RYR1: variants seen among roughly 807,000 people sequenced by gnomAD.
The protein encoded by RYR1 is central core disease of muscle.
Under a neutral mutation model 583.5 loss-of-function variants are expected in RYR1, and 342 were observed. That is an observed-to-expected ratio of 0.59 (90% CI 0.54 to 0.64). RYR1 has a LOEUF of 0.64. Among genes scored for constraint, RYR1 ranks in the 30% least tolerant of loss-of-function variants. The pLI is 0.00. For missense variants in RYR1, 6,032 were observed against 6,917.2 expected, an observed-to-expected ratio of 0.87 and a Z score of 4.54; for synonymous variants, 2,791 against 2,822.5, an observed-to-expected ratio of 0.99 and a Z score of 0.35.
At chr19:38,457,794 A>T (rs1050099206) in intron 17 of RYR1, among the ~76,000 whole-genome samples, 164 bp downstream of exon 17, 4 of 148,820 alleles carry the variant, frequency 2.7e-5, no homozygotes, top group African/African-American at 5.0e-5. Context: ...CTTGGCATCC[A>T]CTCCTCTTGT....
In RYR1 at chr19:38,507,868, A is replaced by G. The variant is rs200730524; in HGVS notation, c.8932+41A>G. The G allele has an allele frequency of 8.0e-4, 1,018 of 1,274,564 alleles. 1 individual carries two copies. The highest frequency in any genetic ancestry group is 9.0e-4 in the Non-Finnish European group (787 of 873,098). The allele number at this position is 1,274,564 out of a possible 1,614,324, so 79.0% of individuals were successfully genotyped here. On this transcript the variant is annotated intron_variant, in intron 58 of 105. Transcript: ENST00000359596. ...CCCCGCTTATGCCCGCCCCACCTGC[A>G]GACACCAGTTCTGCAGACCAGACTC...
At chr19:38,436,584 C>T (rs536421160) in intron 1 of RYR1, among the ~76,000 whole-genome samples, 16 of 152,150 alleles carry the variant, frequency 1.1e-4, no homozygotes, top group South Asian at 4.1e-4. Context: ...TTTTTGTTGC[C>T]GAATATTATT....
At position 38,565,899 on chromosome 19, in the gene RYR1, G is replaced by C; in HGVS notation, c.13437+128G>C. The stretch of plus-strand genomic sequence containing the variant: ...AGGGGGATGGGCACACGCACCCACG[G>C]AGGACGCACCCATGGAGGACGCACA... On this transcript the variant is annotated intron_variant, in intron 91 of 105. Coordinates refer to ENST00000359596, the MANE Select transcript of RYR1 (RefSeq NM_000540.3). The surrounding 1 kb of genome is among the most constrained non-coding windows in gnomAD (Gnocchi z 4.7). 9.0e-7 allele frequency: 1 copy of C among 1,110,016 alleles called. No homozygotes were observed. The highest frequency in any genetic ancestry group is 1.2e-6 in the Non-Finnish European group (1 of 856,076). The allele number at this position is 1,110,016 out of a possible 1,614,324, so 68.8% of individuals were successfully genotyped here. A position where few individuals can be genotyped will look rare whatever the true frequency, so the allele number is the denominator to read the frequency against.
chr19:38,536,769 T>C lies in RYR1; in HGVS notation c.11608+2T>C, dbSNP rs1443083095. The C allele has an allele frequency of 2.5e-6, 4 of 1,613,658 alleles. No individual in the cohort carries two copies. Among genetic ancestry groups the C allele is most frequent in the Admixed American group, 3.3e-5 (2 of 59,960 alleles). On this transcript the variant is annotated splice_donor_variant, in intron 83 of 105. Coordinates refer to ENST00000359596, the MANE Select transcript of RYR1 (RefSeq NM_000540.3). LOFTEE classifies it high-confidence loss of function. ...CCCCAGTCATCAATCGCCAGAACGGTAATTCCCCCAGCCCACCCCCGTGCT... is the reference window on the plus strand; with the variant it reads ...CCCCAGTCATCAATCGCCAGAACGGCAATTCCCCCAGCCCACCCCCGTGCT...
In RYR1 at chr19:38,567,838, C is replaced by T; in HGVS notation, c.13580C>T (p.Pro4527Leu). Residue 4527 changes from proline (P) to leucine (L), a missense_variant, in exon 93 of 106, where the codon CCT (proline) becomes CTT (leucine). Coordinates refer to ENST00000359596, the MANE Select transcript of RYR1 (RefSeq NM_000540.3). ...PTPEPPKKQA[P>L]PSPPPKKEEA... ...CCAGAGCCCCCCAAGAAGCAAGCAC[C>T]TCCCTCACCCCCTCCAAAGAAGGAG... 6.2e-7 allele frequency: 1 copy of T among 1,614,156 alleles called. No homozygotes were observed.
At chr19:38,523,847 T>C in intron 69 of RYR1, 68 bp from the exon 70 acceptor site, 2 of 1,610,096 alleles carry the variant, frequency 1.2e-6, no homozygotes, top group South Asian at 2.2e-5. Context: ...CAACTTGGAG[T>C]TGGGCCTGGG....
intron 64 of RYR1, 57 bp from the exon 65 acceptor site, chr19:38,516,030 G>A: frequency 2.6e-6 from 4 of 1,530,398 alleles, no homozygotes; most frequent in Admixed American, 2.0e-5. Context: ...ATGGGGCTGG[G>A]ACCCAGGACC....
intron 72 of RYR1, among the ~76,000 whole-genome samples, 180 bp downstream of exon 72, chr19:38,527,232 C>T (rs1036444833): frequency 6.6e-6 from 1 of 152,096 alleles, no homozygotes; most frequent in Non-Finnish European, 1.5e-5. Flanking sequence ...ACAATTAGGC[C>T]GGGCACAATG....
At chr19:38,577,444 T>C (rs1263688860) in intron 97 of RYR1, among the ~76,000 whole-genome samples, 1 of 152,018 alleles carries the variant, frequency 6.6e-6, no homozygotes, top group Non-Finnish European at 1.5e-5. Context: ...GACCTTCAAG[T>C]TGGAAAGATA....
Position 38,496,138 on chromosome 19 carries a change from A to C in RYR1, c.6549-77A>C. The C allele has an allele frequency of 8.4e-7, 1 of 1,187,502 alleles. No individual in the cohort carries two copies. The highest frequency in any genetic ancestry group is 1.9e-4 in the Middle Eastern group (1 of 5,248). The allele number at this position is 1,187,502 out of a possible 1,614,324, so 73.6% of individuals were successfully genotyped here. A position where few individuals can be genotyped will look rare whatever the true frequency, so the allele number is the denominator to read the frequency against. ...ACAGAGTGAGAGGGTCAAGAATGCC[A>C]ACGCTGTCACAGTGGTGGCTATGGC... is the stretch of plus-strand genomic sequence containing the variant. On this transcript the variant is annotated intron_variant, in intron 39 of 105. Transcript: ENST00000359596. This position sits in a 1 kb window ranked among gnomAD's most constrained non-coding sequence, Gnocchi z 4.8.
At chr19:38,557,499 T>C (rs1451706929) in intron 89 of RYR1, among the ~76,000 whole-genome samples, 2 of 152,150 alleles carry the variant, frequency 1.3e-5, no homozygotes, top group Non-Finnish European at 2.9e-5. Context: ...ACAGCGAAGC[T>C]GAGAGTTGAA....
chr19:38,587,230 G>A lies in RYR1; in HGVS notation c.15022-95G>A, dbSNP rs892284176. On this transcript the variant is annotated intron_variant, in intron 105 of 105. Coordinates refer to ENST00000359596, the MANE Select transcript of RYR1 (RefSeq NM_000540.3). ...TTGTCGCCACTGCACTCCAGCCTGG[G>A]CAACAGAGCAACACCCTGTCTAAAA... is the stretch of plus-strand genomic sequence containing the variant. 6.2e-5 allele frequency: 53 copies of A among 852,292 alleles called. No homozygotes were observed. In the Middle Eastern group the frequency reaches 1.0e-3, roughly 16 times the overall value. The allele number at this position is 852,292 out of a possible 1,614,324, so 52.8% of individuals were successfully genotyped here.
intron 3 of RYR1, among the ~76,000 whole-genome samples, chr19:38,442,963 C>T (rs570774798): frequency 1.3e-5 from 2 of 152,208 alleles, no homozygotes; most frequent in South Asian, 4.1e-4. Flanking sequence ...CTGGCCCCAT[C>T]ACATGGTACC....
chr19:38,497,053 C>A, intron 42 of RYR1, 99 bp downstream of exon 42: 2 of 1,011,542 alleles, frequency 2.0e-6, no homozygotes, highest in Non-Finnish European at 3.1e-6. Flanking sequence ...TTCTGGGGGG[C>A]AATTCTGGAT....
At chr19:38,455,870 G>A (rs1967349878) in intron 16 of RYR1, 119 bp downstream of exon 16, 10 of 722,834 alleles carry the variant, frequency 1.4e-5, no homozygotes, top group Non-Finnish European at 2.0e-5. Flanking sequence ...TCACCTGTAC[G>A]CCACTCCCAC....
rs3745845 is a variant in RYR1, at chr19:38,451,753, C to T, written c.1123-11C>T. On this transcript the variant is annotated splice_polypyrimidine_tract_variant and intron_variant, in intron 11 of 105. Coordinates refer to ENST00000359596, the MANE Select transcript of RYR1 (RefSeq NM_000540.3). ...TGGGCCCACTCCAGACCTCTGTCTCCCCACTCCTAGGCCATGCTGCACCAG... is the reference window on the plus strand; with the variant it reads ...TGGGCCCACTCCAGACCTCTGTCTCTCCACTCCTAGGCCATGCTGCACCAG... 786 of 1,614,024 alleles carry T rather than the reference C, an allele frequency of 4.9e-4. 8 individuals are homozygous for T. In the East Asian group the frequency reaches 0.014, roughly 29 times the overall value.
chr19:38,522,164 T>C (rs1237342804), intron 67 of RYR1, among the ~76,000 whole-genome samples: 7 of 152,184 alleles, frequency 4.6e-5, no homozygotes, highest in Admixed American at 4.6e-4. Flanking sequence ...CACAAGTGTG[T>C]TCATTTGTGA....
chr19:38,476,172 G>A (rs1405665608), intron 29 of RYR1, among the ~76,000 whole-genome samples: 3 of 151,960 alleles, frequency 2.0e-5, no homozygotes, highest in Non-Finnish European at 4.4e-5. Flanking sequence ...ACAGGCTCCT[G>A]CCACCATGCC....
At chr19:38,497,173 C>T (rs535254204) in intron 42 of RYR1, among the ~76,000 whole-genome samples, 2 of 152,096 alleles carry the variant, frequency 1.3e-5, no homozygotes, top group Non-Finnish European at 2.9e-5. Flanking sequence ...CCACGCTTCC[C>T]GTCTGGGGGC....
Sources: allele counts gnomAD v4.1 joint callset (sites outside exome capture counted in the v4.1 genomes callset), GRCh38; gene constraint gnomAD v4.1.1; non-coding constraint Gnocchi (gnomAD v3.1); transcripts MANE v1.5; gene names NCBI Gene and HGNC (gene_info 2026-07-23, HGNC 2026-07-21).